The following CDH23 variants were observed in gnomAD, a reference collection of about 807,000 sequenced individuals.
CDH23 encodes the protein cadherin-23.
In CDH23, 189 loss-of-function variants were observed where a neutral mutation model predicts 317.1. The observed-to-expected ratio is 0.60, with a 90% CI of 0.53 to 0.67. The LOEUF is 0.67. CDH23 is among the 30% of genes least tolerant of loss of function. The probability of loss-of-function intolerance (pLI) is 0.00; values close to 1 mark genes in which losing one functional copy is unlikely to be tolerated. For synonymous variants in CDH23, 1,839 were observed against 1,876.8 expected (o/e 0.98, Z 0.52); for missense variants, 4,401 against 4,592.4 (o/e 0.96, Z 1.20).
intron 14 of CDH23, among the ~76,000 whole-genome samples, chr10:71,663,184 C>T (rs1465586880): frequency 6.6e-5 from 10 of 152,210 alleles, no homozygotes; most frequent in African/African-American, 2.4e-4. Flanking sequence ...TGGGAGGTCA[C>T]CATTCAACCC....
intron 14 of CDH23, among the ~76,000 whole-genome samples, chr10:71,666,965 TCTGCTCCATCAATC>T (rs1863925377): frequency 6.6e-6 from 1 of 152,256 alleles, no homozygotes. Flanking sequence ...CATGTAAATT[TCTGCTCCATCAATC>T]CTTATGACAT....
At chr10:71,720,830 A>G (rs1866523130) in intron 28 of CDH23, among the ~76,000 whole-genome samples, 1 of 152,130 alleles carries the variant, frequency 6.6e-6, no homozygotes, top group Non-Finnish European at 1.5e-5. Flanking sequence ...AGGCCCAGAG[A>G]GGTGTGACCT....
intron 9 of CDH23, among the ~76,000 whole-genome samples, chr10:71,579,403 T>C (rs7082486): frequency 0.69 from 105,387 of 152,048 alleles, 38,101 homozygotes; most frequent in African/African-American, 0.9. Context: ...CCCATTTCAT[T>C]ATTCTGGTGT....
intron 9 of CDH23, among the ~76,000 whole-genome samples, chr10:71,583,603 G>T (rs1381500779): frequency 2.0e-5 from 3 of 152,156 alleles, no homozygotes; most frequent in Non-Finnish European, 4.4e-5. Flanking sequence ...TGCTGTGGGT[G>T]AGGGCAGAGC....
rs200196800 is a variant in CDH23, at chr10:71,705,052, G to A, written c.2875G>A (p.Ala959Thr). The A allele has an allele frequency of 5.5e-5, 88 of 1,612,530 alleles. No individual in the cohort carries two copies. The highest frequency in any genetic ancestry group is 6.7e-5 in the Admixed American group (4 of 59,998). Residue 959 changes from alanine to threonine, a missense_variant, in exon 25 of 70, where the codon GCG becomes ACG. This residue lies in a region of CDH23 where 3,068 missense variants were observed against 3,203.3 expected (regional missense o/e 0.96). Transcript: ENST00000224721. The part of the protein sequence containing the change: ...TTTELDRERI[A>T]EYQLRVVASD... ...CACCGAGCTGGACCGCGAGCGCATC[G>A]CGGAGTACCAGCTGCGGGTGGTGGC...
intron 3 of CDH23, among the ~76,000 whole-genome samples, chr10:71,474,320 G>C (rs1851673938): frequency 6.6e-6 from 1 of 152,194 alleles, no homozygotes; most frequent in African/African-American, 2.4e-5. Context: ...CAGTCTGGGA[G>C]GCTTCCTTTT....
In CDH23 at chr10:71,809,998, T is replaced by A. The variant is rs375720093; in HGVS notation, c.8901T>A (p.Arg2967=). 6.2e-7 allele frequency: 1 copy of A among 1,612,218 alleles called. No homozygotes were observed. Among genetic ancestry groups the A allele is most frequent in the Non-Finnish European group, 8.5e-7 (1 of 1,179,888 alleles). The change falls in exon 61 of 70, where the codon CGT becomes CGA. Residue 2967 remains arginine (R), a synonymous_variant. Coordinates refer to ENST00000224721, the MANE Select transcript of CDH23 (RefSeq NM_022124.6). ...VKIVINEIPD[R]VRGFEEEFIH... ...TCGTCATTAACGAGATCCCCGACCG[T>A]GTGCGCGGCTTCGAGGAGGAGTTCA...
chr10:71,523,109 G>A lies in CDH23; in HGVS notation c.429+11897G>A, dbSNP rs568958793. Among the ~76,000 whole-genome samples, 2 of 152,302 alleles carry A rather than the reference G, an allele frequency of 1.3e-5. 1 individual carries two copies. The highest frequency in any genetic ancestry group is 4.1e-4 in the South Asian group (2 of 4,824). ...AGAGGAGCCGGCCCTGAGATGAAAA[G>A]GTGGAAGCAGGGAGGGTGTTTGGTT... On this transcript the variant is annotated intron_variant, in intron 6 of 69. Transcript: ENST00000224721.
intron 3 of CDH23, among the ~76,000 whole-genome samples, chr10:71,487,278 T>C (rs1191892385): frequency 1.3e-5 from 2 of 152,210 alleles, no homozygotes; most frequent in Non-Finnish European, 1.5e-5. Context: ...TGTATATGTG[T>C]ATACAGATGA....
intron 9 of CDH23, among the ~76,000 whole-genome samples, chr10:71,606,562 T>C (rs540656978): frequency 6.6e-6 from 1 of 152,234 alleles, no homozygotes; most frequent in Non-Finnish European, 1.5e-5. Flanking sequence ...CAGAAAACAT[T>C]GATTGATCAC....
intron 3 of CDH23, among the ~76,000 whole-genome samples, chr10:71,470,160 C>T (rs1589111827): frequency 6.6e-6 from 1 of 152,204 alleles, no homozygotes; most frequent in Non-Finnish European, 1.5e-5. Flanking sequence ...AAGGAACTGA[C>T]ACGCTGGTTT....
In CDH23 at chr10:71,811,606, C is replaced by T. The variant is rs1357214102; in HGVS notation, c.9278+16C>T. ...ACAGGACTGTGTGAGTGTCCCCCACCCCTGCCATCAGGGGGCCGACCACCT... is the reference window on the plus strand; with the variant it reads ...ACAGGACTGTGTGAGTGTCCCCCACTCCTGCCATCAGGGGGCCGACCACCT... On this transcript the variant is annotated intron_variant, in intron 64 of 69. Transcript: ENST00000224721. 2 of 1,613,914 alleles carry T rather than the reference C, an allele frequency of 1.2e-6. No individual in the cohort carries two copies. The highest frequency in any genetic ancestry group is 1.7e-6 in the Non-Finnish European group (2 of 1,179,876).
rs377080999 is a variant in CDH23 at position 71,751,600 on chromosome 10, G to A, written c.4845+9679G>A. The A allele has an allele frequency of 1.6e-5, 24 of 1,474,096 alleles. No homozygotes were observed. The highest frequency in any genetic ancestry group is 2.5e-4 in the Middle Eastern group (1 of 3,990). 91.3% of individuals were successfully genotyped at this position (1,474,096 alleles called of 1,614,324 possible). ...TTCAGGGAGGGCAGGGAGTGAGGCC[G>A]ATGCCCTGCAGGCCATGAGGTCATG... On this transcript the variant is annotated intron_variant, in intron 38 of 69. Coordinates refer to ENST00000224721, the MANE Select transcript of CDH23 (RefSeq NM_022124.6). This position sits in a 1 kb window ranked among gnomAD's most constrained non-coding sequence, Gnocchi z 4.9.
intron 3 of CDH23, among the ~76,000 whole-genome samples, chr10:71,459,597 T>G (rs1850877389): frequency 6.6e-6 from 1 of 152,106 alleles, no homozygotes; most frequent in African/African-American, 2.4e-5. Context: ...CAAGGGACAT[T>G]TTCACTCTCC....
chr10:71,785,317 A>G (rs1214309510), intron 43 of CDH23, among the ~76,000 whole-genome samples: 1 of 152,240 alleles, frequency 6.6e-6, no homozygotes. Flanking sequence ...TGTCATGTGC[A>G]GAGATGGGGC....
At chr10:71,813,393 G>T (rs1258925956) in intron 69 of CDH23, 45 bp downstream of exon 69, 2 of 1,470,560 alleles carry the variant, frequency 1.4e-6, no homozygotes, top group Admixed American at 2.0e-5. Context: ...GCCCCAGCCT[G>T]GGGATGCTCT....
chr10:71,500,329 C>T (rs916961843), intron 3 of CDH23, among the ~76,000 whole-genome samples: 4 of 152,182 alleles, frequency 2.6e-5, no homozygotes, highest in Admixed American at 1.3e-4. Flanking sequence ...TTCCCTGCCC[C>T]CAGAGCCTCT....
chr10:71,784,167 G>A (rs539200434), intron 41 of CDH23, 120 bp from the exon 42 acceptor site: 4 of 1,079,936 alleles, frequency 3.7e-6, no homozygotes, highest in South Asian at 3.4e-5. Flanking sequence ...GAGGACCCGG[G>A]CCCCAGCTGT....
intron 1 of CDH23, among the ~76,000 whole-genome samples, chr10:71,407,793 A>T (rs1848172883): frequency 1.3e-5 from 2 of 152,302 alleles, no homozygotes; most frequent in African/African-American, 4.8e-5. Flanking sequence ...ATAATGAAGA[A>T]AAATGCCCCT....
Sources: allele counts gnomAD v4.1 joint callset (sites outside exome capture counted in the v4.1 genomes callset), GRCh38; gene constraint gnomAD v4.1.1; regional missense constraint gnomAD v4.1.1; non-coding constraint Gnocchi (gnomAD v3.1); transcripts MANE v1.5; gene names NCBI Gene and HGNC (gene_info 2026-07-23, HGNC 2026-07-21).